The following WWOX variants were observed in gnomAD, a reference collection of about 807,000 sequenced individuals.
WWOX encodes WW domain containing oxidoreductase, also known as WW domain-containing oxidoreductase.
A neutral mutation model predicts 46.2 loss-of-function variants in WWOX; 69 were observed. The ratio of observed to expected loss-of-function variants is 1.49; its 90% CI spans 1.23 to 1.82. The LOEUF is 1.82. Ranked by LOEUF, WWOX falls within the 40% of genes most tolerant of loss-of-function variation. WWOX has a pLI of 0.00. For synonymous variants in WWOX, 359 were observed against 202.6 expected, an observed-to-expected ratio of 1.77 and a Z score of -6.56; for missense variants, 919 against 542.6, an observed-to-expected ratio of 1.69 and a Z score of -6.89.
chr16:78,502,654 C>A (rs1473511854), intron 8 of WWOX, among the ~76,000 whole-genome samples: 1 of 152,198 alleles, frequency 6.6e-6, no homozygotes, highest in Admixed American at 6.5e-5. Flanking sequence ...CAAGTTTCAG[C>A]ATGGACTTCT....
At chr16:79,157,958 C>A (rs992428446) in intron 8 of WWOX, among the ~76,000 whole-genome samples, 2 of 152,058 alleles carry the variant, frequency 1.3e-5, no homozygotes, top group South Asian at 2.1e-4. Context: ...TGGCCTGGGG[C>A]ATGAGAAATA....
At chr16:78,700,500 C>T (rs900452538) in intron 8 of WWOX, among the ~76,000 whole-genome samples, 4 of 152,168 alleles carry the variant, frequency 2.6e-5, no homozygotes, top group Admixed American at 2.6e-4. Context: ...GGAACATATT[C>T]AGTCCATAGC....
intron 8 of WWOX, among the ~76,000 whole-genome samples, chr16:78,871,154 C>T (rs2044119423): frequency 6.7e-6 from 1 of 149,878 alleles, no homozygotes; most frequent in African/African-American, 2.5e-5. Context: ...TATAGTAATT[C>T]CCAACTTTCG....
intron 8 of WWOX, among the ~76,000 whole-genome samples, chr16:79,089,318 G>A (rs567986464): frequency 6.5e-5 from 9 of 139,302 alleles, no homozygotes; most frequent in Non-Finnish European, 1.1e-4. Flanking sequence ...CATCATGAAC[G>A]TTCAAGGTGG....
intron 8 of WWOX, among the ~76,000 whole-genome samples, chr16:78,769,562 TTTATTTA>T (rs2050013773): frequency 1.4e-5 from 2 of 144,632 alleles, no homozygotes; most frequent in South Asian, 4.4e-4. Context: ...TATTTATTTA[TTTATTTA>T]TTTATTTATT....
chr16:78,418,484 CAGA>C (rs1567560611), intron 6 of WWOX, among the ~76,000 whole-genome samples: 3 of 152,008 alleles, frequency 2.0e-5, no homozygotes, highest in Admixed American at 2.0e-4. Flanking sequence ...ACAACAGAGG[CAGA>C]CAAAGATATC....
At chr16:78,195,821 CAAAAAAAAA>C (rs148609646) in intron 5 of WWOX, among the ~76,000 whole-genome samples, 3 of 76,060 alleles carry the variant, frequency 3.9e-5, no homozygotes, top group South Asian at 1.1e-3. Flanking sequence ...GACTCTGCCT[CAAAAAAAAA>C]AAAAAAAAAA....
intron 5 of WWOX, among the ~76,000 whole-genome samples, chr16:78,307,650 A>T (rs1202691639): frequency 6.6e-6 from 1 of 152,182 alleles, no homozygotes; most frequent in Admixed American, 6.5e-5. Context: ...ATAAGAGAAT[A>T]AATGTGTTGT....
intron 8 of WWOX, among the ~76,000 whole-genome samples, chr16:79,045,508 C>G (rs943721813): frequency 1.3e-5 from 2 of 152,172 alleles, no homozygotes; most frequent in African/African-American, 4.8e-5. Context: ...GTTAGTTTCC[C>G]TTACTTGGAT....
At chr16:78,529,342 A>T (rs141994591) in intron 8 of WWOX, among the ~76,000 whole-genome samples, 1 of 152,248 alleles carries the variant, frequency 6.6e-6, no homozygotes, top group Non-Finnish European at 1.5e-5. Flanking sequence ...ACCTCATAGA[A>T]GTGAGCCCTC....
intron 8 of WWOX, among the ~76,000 whole-genome samples, chr16:78,514,522 C>G (rs2085441785): frequency 6.6e-6 from 1 of 152,170 alleles, no homozygotes; most frequent in South Asian, 2.1e-4. Context: ...CCCTGGTACA[C>G]TTAGATAGGC....
chr16:78,674,388 A>C (rs1193817551), intron 8 of WWOX, among the ~76,000 whole-genome samples: 2 of 151,526 alleles, frequency 1.3e-5, no homozygotes, highest in East Asian at 3.9e-4. Flanking sequence ...AAGTTCAAGC[A>C]ATTGTCCTGC....
At chr16:78,144,486 T>TATGTATATATATATATATAC (rs2034122429) in intron 4 of WWOX, among the ~76,000 whole-genome samples, 1 of 19,862 alleles carries the variant, frequency 5.0e-5, no homozygotes, top group Admixed American at 8.4e-4. Flanking sequence ...TATATATATA[T>TATGTATATATATATATATAC]ACACACACAC....
chr16:78,419,882 C>G (rs2082882576), intron 6 of WWOX, among the ~76,000 whole-genome samples: 1 of 151,844 alleles, frequency 6.6e-6, no homozygotes, highest in African/African-American at 2.4e-5. Flanking sequence ...GAAATACTTA[C>G]AAATTAAATA....
intron 8 of WWOX, among the ~76,000 whole-genome samples, chr16:78,505,085 C>T (rs981852711): frequency 3.3e-5 from 5 of 152,004 alleles, no homozygotes; most frequent in East Asian, 1.9e-4. Flanking sequence ...TTTTCTGAGC[C>T]GCCGAAGCAC....
chr16:78,922,695 A>T (rs893208841), intron 8 of WWOX, among the ~76,000 whole-genome samples: 1 of 151,796 alleles, frequency 6.6e-6, no homozygotes, highest in Non-Finnish European at 1.5e-5. Flanking sequence ...AATGTTTTTT[A>T]ATTTGGAAAG....
intron 5 of WWOX, among the ~76,000 whole-genome samples, chr16:78,243,672 G>T (rs1046674034): frequency 1.2e-4 from 18 of 152,120 alleles, no homozygotes; most frequent in Admixed American, 3.3e-4. Flanking sequence ...TCAGCCTCCG[G>T]AGTAGCTGGG....
chr16:78,484,977 C>CTGCCT (rs1412672792), intron 8 of WWOX, among the ~76,000 whole-genome samples: 2 of 152,040 alleles, frequency 1.3e-5, no homozygotes, highest in Admixed American at 6.6e-5. Flanking sequence ...CTGCTCTGCC[C>CTGCCT]TGCCTTCTGA....
intron 8 of WWOX, among the ~76,000 whole-genome samples, chr16:78,621,136 T>A (rs549082890): frequency 6.6e-6 from 1 of 152,246 alleles, no homozygotes; most frequent in Middle Eastern, 3.4e-3. Context: ...ATGGGCAGGG[T>A]ATAGTGCAGA....
Sources: allele counts gnomAD v4.1 joint callset (sites outside exome capture counted in the v4.1 genomes callset), GRCh38; gene constraint gnomAD v4.1.1; transcripts MANE v1.5; gene names NCBI Gene and HGNC (gene_info 2026-07-23, HGNC 2026-07-21).